The following CEMIP variants were observed in gnomAD, a reference collection of about 807,000 sequenced individuals.
CEMIP encodes cell migration inducing hyaluronidase 1, also known as cell migration-inducing and hyaluronan-binding protein.
Under a neutral mutation model 156.9 loss-of-function variants are expected in CEMIP, and 105 were observed. That is an observed-to-expected ratio of 0.67 (90% CI 0.57 to 0.79). The LOEUF (loss-of-function observed/expected upper bound fraction) is 0.79, where lower values mean the gene tolerates loss of function less well. Among genes scored for constraint, CEMIP ranks in the 30% least tolerant of loss-of-function variants. The pLI, the probability that CEMIP is intolerant of heterozygous loss-of-function variation, is 0.00. For synonymous variants in CEMIP, 676 were observed against 668.4 expected (o/e 1.01, Z -0.17); for missense variants, 1,457 against 1,769.4 (o/e 0.82, Z 3.17).
At position 80,901,402 on chromosome 15, in the gene CEMIP, G is replaced by A. The variant is rs148576049; in HGVS notation, c.1412-5261G>A. ...TTAAGTCTAAATTGGATTACATTAC[G>A]TTAAAAATTCTATTCCTGGCCAGGC... On this transcript the variant is annotated intron_variant, in intron 12 of 29. Transcript: ENST00000394685. Among the ~76,000 whole-genome samples the A allele has an allele frequency of 1.4e-3, 216 of 152,142 alleles. 4 individuals are homozygous for A. The highest frequency in any genetic ancestry group is 5.1e-3 in the African/African-American group (212 of 41,518).
Position 80,878,757 on chromosome 15 carries a change from A to C in CEMIP, c.131A>C (p.Gln44Pro). ...AGCPDQSPEL[Q>P]PWNPGHDQDH... ...TGCCCTGACCAGAGCCCTGAGTTGC[A>C]ACCCTGGAACCCTGGCCATGACCAA... Residue 44 changes from glutamine (Q) to proline (P), a missense_variant, in exon 4 of 30, where the codon CAA becomes CCA. Around this residue, in one of 5 missense-constraint regions of CEMIP, gnomAD observed 309 missense variants for 340.8 expected, o/e 0.91. Coordinates refer to ENST00000394685, the MANE Select transcript of CEMIP (RefSeq NM_001293298.2). 6.2e-7 allele frequency: 1 copy of C among 1,614,138 alleles called. No homozygotes were observed. The highest frequency in any genetic ancestry group is 1.7e-5 in the Admixed American group (1 of 60,020).
At position 80,884,169 on chromosome 15, in the gene CEMIP, T is replaced by C; in HGVS notation, c.618-6T>C. ...TATTCAGATCTCTTCTCTCTGCCCT[T>C]TTTAGGTTTGACACCTATAGATCCA... On this transcript the variant is annotated splice_region_variant and splice_polypyrimidine_tract_variant and intron_variant, in intron 6 of 29. Coordinates refer to ENST00000394685, the MANE Select transcript of CEMIP (RefSeq NM_001293298.2). The C allele has an allele frequency of 6.2e-7, 1 of 1,614,058 alleles. No homozygotes were observed. Among genetic ancestry groups the C allele is most frequent in the South Asian group, 1.1e-5 (1 of 91,084 alleles).
At chr15:80,944,998 G>A (rs888805186) in intron 28 of CEMIP, among the ~76,000 whole-genome samples, 2 of 152,214 alleles carry the variant, frequency 1.3e-5, no homozygotes, top group African/African-American at 4.8e-5. Flanking sequence ...GAAAGCAGCA[G>A]GGAATGAGGC....
chr15:80,794,786 AT>A (rs1323963999), intron 1 of CEMIP, among the ~76,000 whole-genome samples: 1 of 152,222 alleles, frequency 6.6e-6, no homozygotes, highest in Non-Finnish European at 1.5e-5. Flanking sequence ...ATATAAAAAA[AT>A]AGATATGAAA....
chr15:80,929,985 G>T (rs1039331596), intron 21 of CEMIP, among the ~76,000 whole-genome samples: 9 of 152,200 alleles, frequency 5.9e-5, no homozygotes, highest in African/African-American at 2.2e-4. Flanking sequence ...CCTTTCTTCT[G>T]CTGGTGTTTC....
intron 14 of CEMIP, 61 bp from the exon 15 acceptor site, chr15:80,920,033 C>A (rs570873618): frequency 2.0e-6 from 3 of 1,480,024 alleles, no homozygotes; most frequent in African/African-American, 1.4e-5. Flanking sequence ...TTGCTGAATG[C>A]ATGAATGAGC....
chr15:80,861,698 T>C (rs536708868), intron 1 of CEMIP, among the ~76,000 whole-genome samples: 15 of 152,348 alleles, frequency 9.8e-5, no homozygotes, highest in East Asian at 5.8e-4. Context: ...TAGGCACACA[T>C]AGAATAACTT....
At chr15:80,811,620 T>C (rs1896672830) in intron 1 of CEMIP, among the ~76,000 whole-genome samples, 1 of 152,226 alleles carries the variant, frequency 6.6e-6, no homozygotes, top group African/African-American at 2.4e-5. Flanking sequence ...AGTGGCATGA[T>C]CTCAGCTCAT....
chr15:80,929,027 C>G lies in CEMIP; in HGVS notation c.2465C>G (p.Thr822Ser). The G allele has an allele frequency of 6.2e-7, 1 of 1,614,190 alleles. No homozygotes were observed. Residue 822 changes from threonine to serine, a missense_variant, in exon 21 of 30, where the codon ACC becomes AGC. By Grantham distance (58) the Thr-to-Ser change is moderately conservative. Transcript: ENST00000394685. The part of the protein sequence containing the change: ...GIGLTLASGG[T>S]FPYDDGSKQE... The stretch of plus-strand genomic sequence containing the variant: ...ACATCTTCTCTCTACAGTGGTGGAA[C>G]CTTCCCGTATGACGACGGCTCCAAG...
rs1439007113 is a variant in CEMIP at position 80,921,039 on chromosome 15, T to A, written c.2011T>A (p.Ser671Thr). 1 of 1,614,170 alleles carries A rather than the reference T, an allele frequency of 6.2e-7. No individual in the cohort carries two copies. The highest frequency in any genetic ancestry group is 1.7e-5 in the Admixed American group (1 of 60,028). The change falls in exon 16 of 30, where the codon TCC (serine) becomes ACC (threonine). Residue 671 changes from serine (S) to threonine (T), a missense_variant. Ser to Thr is a moderately conservative substitution (Grantham distance 58, BLOSUM62 1). This residue lies in a region of CEMIP where 798 missense variants were observed against 980.1 expected (regional missense o/e 0.81). Coordinates refer to ENST00000394685, the MANE Select transcript of CEMIP (RefSeq NM_001293298.2). The stretch of plus-strand genomic sequence containing the variant: ...TCTCTGCCCTCCCTGCAGTGCTGTG[T>A]CCACCTTCTGGATGGCCAATCCCAA... The part of the protein sequence containing the change: ...PKPRQDCNAV[S>T]TFWMANPNNN...
At chr15:80,942,669 G>T (rs1420571377) in intron 27 of CEMIP, among the ~76,000 whole-genome samples, 3 of 152,150 alleles carry the variant, frequency 2.0e-5, no homozygotes, top group African/African-American at 7.2e-5. Context: ...AAATCCAGAA[G>T]GTTTAATCAA....
At position 80,933,343 on chromosome 15, in the gene CEMIP, C is replaced by T. The variant is rs1282079153; in HGVS notation, c.2892C>T (p.Ser964=). Residue 964 remains serine, a synonymous_variant, in exon 23 of 30, where the codon TCC becomes TCT. Coordinates refer to ENST00000394685, the MANE Select transcript of CEMIP (RefSeq NM_001293298.2). ...CTGTGTTCCATGACGTCGACGGCTC[C>T]GTGTCCGAGTACCCTGGCTCCTACC... ...KTSVFHDVDG[S]VSEYPGSYLT... 3.7e-6 allele frequency: 6 copies of T among 1,614,162 alleles called. No homozygotes were observed. Among genetic ancestry groups the T allele is most frequent in the Middle Eastern group, 1.6e-4 (1 of 6,062 alleles).
At chr15:80,935,696 G>A (rs1289058163) in intron 23 of CEMIP, among the ~76,000 whole-genome samples, 1 of 152,114 alleles carries the variant, frequency 6.6e-6, no homozygotes, top group Admixed American at 6.6e-5. Context: ...TTATGAATTT[G>A]GGATGTGCCA....
intron 1 of CEMIP, among the ~76,000 whole-genome samples, chr15:80,856,636 C>T (rs1479040667): frequency 1.3e-5 from 2 of 152,176 alleles, no homozygotes; most frequent in Non-Finnish European, 2.9e-5. Context: ...CAGTCAGGAA[C>T]TGTCATCCTT....
In CEMIP at chr15:80,881,054, T is replaced by C. The variant is rs374461087; in HGVS notation, c.535T>C (p.Phe179Leu). Reference protein sequence around the residue: ...HPGGMAEGGYFFERSWGHRGV... With the variant: ...HPGGMAEGGYLFERSWGHRGV... ...AGGTGGCATGGCAGAAGGAGGCTAT[T>C]TTTTTGAAAGGAGCTGGGGCCACCG... Residue 179 changes from phenylalanine to leucine, a missense_variant, in exon 6 of 30, where the codon TTT becomes CTT. Phe to Leu is a conservative substitution (Grantham distance 22). This residue lies in a region of CEMIP where 309 missense variants were observed against 340.8 expected (regional missense o/e 0.91). Transcript: ENST00000394685. 5.6e-6 allele frequency: 9 copies of C among 1,614,228 alleles called. No individual in the cohort carries two copies. Among genetic ancestry groups the C allele is most frequent in the South Asian group, 3.3e-5 (3 of 91,088 alleles).
intron 1 of CEMIP, among the ~76,000 whole-genome samples, chr15:80,840,485 TG>T (rs984608685): frequency 4.6e-5 from 7 of 152,108 alleles, no homozygotes; most frequent in Admixed American, 2.6e-4. Context: ...TTTAAATGTT[TG>T]TTTGGGTTTT....
chr15:80,871,190 T>C (rs530014105), intron 1 of CEMIP, among the ~76,000 whole-genome samples: 3 of 152,304 alleles, frequency 2.0e-5, no homozygotes, highest in African/African-American at 7.2e-5. Context: ...GAATGTTTCT[T>C]GGGACATGTG....
At chr15:80,854,669 T>C (rs1897802592) in intron 1 of CEMIP, among the ~76,000 whole-genome samples, 1 of 152,198 alleles carries the variant, frequency 6.6e-6, no homozygotes, top group Admixed American at 6.5e-5. Flanking sequence ...TGTTATCTCT[T>C]TGAATCCTCT....
intron 10 of CEMIP, among the ~76,000 whole-genome samples, chr15:80,892,522 T>C (rs1239754182): frequency 6.6e-6 from 1 of 152,146 alleles, no homozygotes; most frequent in Non-Finnish European, 1.5e-5. Flanking sequence ...AGGCAGTCTG[T>C]GTGTTCCCCA....
Sources: allele counts gnomAD v4.1 joint callset (sites outside exome capture counted in the v4.1 genomes callset), GRCh38; gene constraint gnomAD v4.1.1; regional missense constraint gnomAD v4.1.1; transcripts MANE v1.5; gene names NCBI Gene and HGNC (gene_info 2026-07-23, HGNC 2026-07-21).